Variants in POLE observed in about 807,000 individuals in gnomAD.
The protein encoded by POLE is DNA polymerase epsilon catalytic subunit A.
Under a neutral mutation model 279.2 loss-of-function variants are expected in POLE, and 188 were observed. The observed-to-expected ratio is 0.67, with a 90% CI of 0.60 to 0.76. The LOEUF (loss-of-function observed/expected upper bound fraction) is 0.76. Ranked by LOEUF, POLE falls within the 30% of genes least tolerant of loss-of-function variation. The pLI, the probability that POLE is intolerant of heterozygous loss-of-function variation, is 0.00. For synonymous variants in POLE, 1,214 were observed against 1,172.5 expected (o/e 1.04, Z -0.72); for missense variants, 2,703 against 3,016.7 (o/e 0.90, Z 2.44).
Position 132,629,094 on chromosome 12 carries a change from TC to T in POLE, c.6331-2778del, listed in dbSNP as rs1468081525. Among the ~76,000 whole-genome samples the T allele has an allele frequency of 2.0e-5, 3 of 152,234 alleles. No homozygotes were observed. The East Asian group carries it at 5.8e-4, about 29-fold the overall frequency. On this transcript the variant is annotated intron_variant, in intron 45 of 48. Coordinates refer to ENST00000320574, the MANE Select transcript of POLE (RefSeq NM_006231.4). ...GTTGAAAGTCGAAATTGCTCCTTGA[TC>T]CATGGGCTGCAGAAGGGATGCTGTG...
In POLE at chr12:132,632,814, A is replaced by G. The variant is rs2138465796; in HGVS notation, c.6005-19T>C. The G allele has an allele frequency of 6.3e-7, 1 of 1,586,836 alleles. No individual in the cohort carries two copies. The highest frequency in any genetic ancestry group is 8.6e-7 in the Non-Finnish European group (1 of 1,168,246). The stretch of plus-strand genomic sequence containing the variant: ...ATGTACGCTGTGGAGAGGCACACAC[A>G]CCACAGGCCCTGAGTCGGGCTGCTG... On this transcript the variant is annotated intron_variant, in intron 43 of 48. Coordinates refer to ENST00000320574, the MANE Select transcript of POLE (RefSeq NM_006231.4).
chr12:132,683,548 ATAAAGGTT>A (rs2043211411), intron 1 of POLE, among the ~76,000 whole-genome samples: 1 of 152,250 alleles, frequency 6.6e-6, no homozygotes, highest in African/African-American at 2.4e-5. Flanking sequence ...ATACTGTATA[ATAAAGGTT>A]TAATCTTTTA....
At chr12:132,656,762 CTGTACCTTTTAT>C (rs2042549351) in intron 29 of POLE, among the ~76,000 whole-genome samples, 1 of 152,212 alleles carries the variant, frequency 6.6e-6, no homozygotes, top group Non-Finnish European at 1.5e-5. Flanking sequence ...CTGACTTTCA[CTGTACCTTTTAT>C]TACACTGTGT....
rs2138510238 is a variant in POLE, at chr12:132,639,230, T to C, written c.5447A>G (p.Asn1816Ser). The C allele has an allele frequency of 6.2e-7, 1 of 1,614,070 alleles. No homozygotes were observed. The highest frequency in any genetic ancestry group is 8.5e-7 in the Non-Finnish European group (1 of 1,179,958). Reference sequence around the variant, plus strand: ...CCAGCGGTAGAAGTGCATCACCTGGTTGTCTGCATAGATGTTGTGGTACTG... The same window carrying C: ...CCAGCGGTAGAAGTGCATCACCTGGCTGTCTGCATAGATGTTGTGGTACTG... ...ITQYHNIYAD[N>S]QVMHFYRWLR... Residue 1816 changes from asparagine to serine, a missense_variant, in exon 40 of 49, where the codon AAC (asparagine) becomes AGC (serine). This residue lies in a region of POLE where 1,551 missense variants were observed against 1,686.1 expected (regional missense o/e 0.92). Coordinates refer to ENST00000320574, the MANE Select transcript of POLE (RefSeq NM_006231.4). The surrounding 1 kb of genome is among the most constrained non-coding windows in gnomAD (Gnocchi z 4.7).
rs2138464752 is a variant in POLE at position 132,632,739 on chromosome 12, C to G, written c.6061G>C (p.Gly2021Arg). ...MKDGLRRSAPGSTPVRRRGAS... is the reference protein window; with the variant it reads ...MKDGLRRSAPRSTPVRRRGAS... ...CCCCTCCTCCTCACGGGGGTGCTCC[C>G]TGGAGCACTGCGCCTCAGCCCGTCC... is the stretch of plus-strand genomic sequence containing the variant. The change falls in exon 44 of 49, where the codon GGG (glycine) becomes CGG (arginine). Residue 2021 changes from glycine (G) to arginine (R), a missense_variant. Around this residue, in one of 5 missense-constraint regions of POLE, gnomAD observed 1,551 missense variants for 1,686.1 expected, o/e 0.92. Transcript: ENST00000320574. 1.9e-6 allele frequency: 3 copies of G among 1,613,320 alleles called. No individual in the cohort carries two copies. In the South Asian group the frequency reaches 3.3e-5, roughly 18 times the overall value.
rs989716520 is a variant in POLE at position 132,680,393 on chromosome 12, T to C, written c.286-171A>G. 5 of 683,370 alleles carry C rather than the reference T, an allele frequency of 7.3e-6. No individual in the cohort carries two copies. In the East Asian group the frequency reaches 1.3e-4, roughly 18 times the overall value. 42.3% of individuals were successfully genotyped at this position (683,370 alleles called of 1,614,324 possible). ...CGCACTTTTCACAGGGGCAAGAATC[T>C]GAAAGACACGCTACTTCTCACCATT... On this transcript the variant is annotated intron_variant, in intron 3 of 48. Coordinates refer to ENST00000320574, the MANE Select transcript of POLE (RefSeq NM_006231.4).
intron 42 of POLE, among the ~76,000 whole-genome samples, chr12:132,635,668 C>T (rs531724150): frequency 1.1e-4 from 17 of 152,378 alleles, no homozygotes; most frequent in African/African-American, 3.8e-4. Context: ...CCTCCACCTC[C>T]CTGTTGCCCA....
At chr12:132,650,183 T>G (rs2138617695) in intron 29 of POLE, 1 of 391,604 alleles carries the variant, frequency 2.6e-6, no homozygotes, top group African/African-American at 2.0e-5. Context: ...AACTCCAGCC[T>G]GGGCAAGTGA....
At chr12:132,652,196 A>C (rs2042436548) in intron 29 of POLE, among the ~76,000 whole-genome samples, 1 of 152,124 alleles carries the variant, frequency 6.6e-6, no homozygotes, top group Non-Finnish European at 1.5e-5. Flanking sequence ...CACAAGATTT[A>C]ACTTTTAATT....
Position 132,642,733 on chromosome 12 carries a change from G to T in POLE, c.4729-4C>A. 2 of 1,613,486 alleles carry T rather than the reference G, an allele frequency of 1.2e-6. No individual in the cohort carries two copies. The highest frequency in any genetic ancestry group is 1.7e-6 in the Non-Finnish European group (2 of 1,179,778). Reference sequence around the variant, plus strand: ...GTGTGGGCCCCCGGCGCTCCTCCTGGGTCAAGGCAAAATGGAAGAAAAGAC... The same window carrying T: ...GTGTGGGCCCCCGGCGCTCCTCCTGTGTCAAGGCAAAATGGAAGAAAAGAC... On this transcript the variant is annotated splice_polypyrimidine_tract_variant and splice_region_variant and intron_variant, in intron 36 of 48. Transcript: ENST00000320574.
chr12:132,666,261 C>T (rs185719716), intron 20 of POLE, among the ~76,000 whole-genome samples: 3 of 152,354 alleles, frequency 2.0e-5, no homozygotes, highest in South Asian at 2.1e-4. Context: ...AAATACAGTA[C>T]AGATACACGC....
rs1458874928 is a variant in POLE, at chr12:132,649,113, C to A, written c.4006-41G>T. On this transcript the variant is annotated intron_variant, in intron 31 of 48. Transcript: ENST00000320574. ...GACATACAGCACATCACAGGACACACTGGAACCCACAGACGGGGCCACCTT... is the reference window on the plus strand; with the variant it reads ...GACATACAGCACATCACAGGACACAATGGAACCCACAGACGGGGCCACCTT... 10 of 1,592,040 alleles carry A rather than the reference C, an allele frequency of 6.3e-6. No homozygotes were observed. Among genetic ancestry groups the A allele is most frequent in the Non-Finnish European group, 8.6e-6 (10 of 1,167,356 alleles).
intron 9 of POLE, 60 bp downstream of exon 9, chr12:132,676,486 T>G (rs1172975063): frequency 3.9e-6 from 4 of 1,036,626 alleles, no homozygotes; most frequent in African/African-American, 3.1e-5. Flanking sequence ...GCTGCTGTAG[T>G]ATGGGGACCA....
Position 132,675,435 on chromosome 12 carries a change from A to G in POLE, c.1189T>C (p.Tyr397His), listed in dbSNP as rs1593076756. 1.9e-6 allele frequency: 3 copies of G among 1,613,264 alleles called. No homozygotes were observed. The African/African-American group carries it at 4.0e-5, about 22-fold the overall frequency. ...IGFQKDSQGE[Y>H]KAPQCIHMDC... ...ATGTGGATGCACTGGGGCGCCTTGTACTCCCCCTGGCTGTCCTTCTGGAAG... is the reference window on the plus strand; with the variant it reads ...ATGTGGATGCACTGGGGCGCCTTGTGCTCCCCCTGGCTGTCCTTCTGGAAG... The change falls in exon 12 of 49, where the codon TAC becomes CAC. Residue 397 changes from tyrosine to histidine, a missense_variant. Tyr to His is a moderately conservative substitution (Grantham distance 83). This residue lies in a region of POLE where 1,011 missense variants were observed against 1,111.7 expected (regional missense o/e 0.91). Transcript: ENST00000320574. This position sits in a 1 kb window ranked among gnomAD's most constrained non-coding sequence, Gnocchi z 4.3.
chr12:132,657,142 C>T lies in POLE; in HGVS notation c.3576G>A (p.Arg1192=), dbSNP rs2042561187. 1 of 1,614,026 alleles carries T rather than the reference C, an allele frequency of 6.2e-7. No homozygotes were observed. The highest frequency in any genetic ancestry group is 1.7e-5 in the Admixed American group (1 of 60,008). ...KISELFTLEG[R]RQVTMAEASE... ...CTTGGGGCCCCACCGTCACCTGTCT[C>T]CTGCCCTCCAGGGTGAAGAGCTCAC... Residue 1192 remains arginine (R), a synonymous_variant, in exon 29 of 49, where the codon AGG becomes AGA. Coordinates refer to ENST00000320574, the MANE Select transcript of POLE (RefSeq NM_006231.4).
In POLE at chr12:132,625,726, C is replaced by G. The variant is rs368555884; in HGVS notation, c.6576G>C (p.Ala2192=). ...TCTCGATGGCAGAGGAGTCGTAGGG[C>G]GCCTGACAGTTGGAGCAGAGCCACT... The part of the protein sequence containing the change: ...LPQWLCSNCQ[A]PYDSSAIEMT... Residue 2192 remains alanine (A), a synonymous_variant, in exon 47 of 49, where the codon GCG becomes GCC. Coordinates refer to ENST00000320574, the MANE Select transcript of POLE (RefSeq NM_006231.4). 1 of 1,613,240 alleles carries G rather than the reference C, an allele frequency of 6.2e-7. No individual in the cohort carries two copies. Among genetic ancestry groups the G allele is most frequent in the Non-Finnish European group, 8.5e-7 (1 of 1,180,022 alleles).
chr12:132,637,573 C>T (rs142489554), intron 41 of POLE, among the ~76,000 whole-genome samples: 24 of 152,090 alleles, frequency 1.6e-4, no homozygotes, highest in African/African-American at 5.8e-4. Flanking sequence ...CAAAACCACA[C>T]CAGGCTCTGA....
chr12:132,667,676 G>T (rs2135971646), intron 19 of POLE, 28 bp from the exon 20 acceptor site: 2 of 1,612,394 alleles, frequency 1.2e-6, no homozygotes, highest in Non-Finnish European at 1.7e-6. Flanking sequence ...GGGCAGAGCA[G>T]GTGGGTGAGA....
Position 132,661,583 on chromosome 12 carries a change from G to A in POLE, c.2808C>T (p.Pro936=), listed in dbSNP as rs745636334. 2 of 1,614,142 alleles carry A rather than the reference G, an allele frequency of 1.2e-6. No individual in the cohort carries two copies. The highest frequency in any genetic ancestry group is 1.7e-5 in the Admixed American group (1 of 60,020). ...AGGCTGGAAGAATCATGGCAAGGTAGGGCCCATCAACCTCAAAAAAGATGC... is the reference window on the plus strand; with the variant it reads ...AGGCTGGAAGAATCATGGCAAGGTAAGGCCCATCAACCTCAAAAAAGATGC... ...ENSIFFEVDG[P]YLAMILPASK... Residue 936 remains proline (P), a synonymous_variant, in exon 24 of 49, where the codon CCC becomes CCT. Coordinates refer to ENST00000320574, the MANE Select transcript of POLE (RefSeq NM_006231.4). The surrounding 1 kb of genome is among the most constrained non-coding windows in gnomAD (Gnocchi z 4.1).
Sources: allele counts gnomAD v4.1 joint callset (sites outside exome capture counted in the v4.1 genomes callset), GRCh38; gene constraint gnomAD v4.1.1; regional missense constraint gnomAD v4.1.1; non-coding constraint Gnocchi (gnomAD v3.1); transcripts MANE v1.5; gene names NCBI Gene and HGNC (gene_info 2026-07-23, HGNC 2026-07-21).